CCDC102A: variants seen among roughly 807,000 people sequenced by gnomAD.
CCDC102A encodes coiled-coil domain-containing protein 102A.
CCDC102A carries 40 observed loss-of-function variants against 55.5 expected under a neutral mutation model. The ratio of observed to expected loss-of-function variants is 0.72; its 90% CI spans 0.56 to 0.94. The LOEUF is 0.94. Among genes scored for constraint, CCDC102A ranks in the 40% least tolerant of loss-of-function variants. The pLI is 0.00. For missense variants in CCDC102A, 779 were observed against 768.6 expected, an observed-to-expected ratio of 1.01 and a Z score of -0.16; for synonymous variants, 323 against 339.0, an observed-to-expected ratio of 0.95 and a Z score of 0.52.
intron 1 of CCDC102A, among the ~76,000 whole-genome samples, chr16:57,530,175 A>C (rs1452156125): frequency 1.3e-5 from 2 of 151,936 alleles, no homozygotes; most frequent in Non-Finnish European, 2.9e-5. Context: ...CTCTGCCGGA[A>C]CCACCCCTCC....
intron 4 of CCDC102A, among the ~76,000 whole-genome samples, chr16:57,520,537 A>ATAACATAACATAACATAACATAACG (rs2032025935): frequency 4.2e-5 from 1 of 23,714 alleles, no homozygotes; most frequent in African/African-American, 1.3e-4. Flanking sequence ...CTCAGAAAAA[A>ATAACATAACATAACATAACATAACG]TAACATAACA....
At chr16:57,534,749 C>G (rs1428740683) in intron 1 of CCDC102A, among the ~76,000 whole-genome samples, 2 of 152,168 alleles carry the variant, frequency 1.3e-5, no homozygotes, top group African/African-American at 4.8e-5. Flanking sequence ...TCCTAAAGAT[C>G]AGGAGTCAGT....
intron 1 of CCDC102A, among the ~76,000 whole-genome samples, chr16:57,536,040 C>T (rs1292291873): frequency 4.6e-5 from 7 of 152,200 alleles, no homozygotes; most frequent in Non-Finnish European, 8.8e-5. Context: ...GTTCCCGGCC[C>T]GCGCCGCGCG....
In CCDC102A at chr16:57,518,400, C is replaced by G. The variant is rs1468199456; in HGVS notation, c.1039-123G>C. 4.3e-6 allele frequency: 4 copies of G among 938,638 alleles called. No individual in the cohort carries two copies. In the African/African-American group the frequency reaches 6.6e-5, roughly 16 times the overall value. 58.1% of individuals were successfully genotyped at this position (938,638 alleles called of 1,614,324 possible). A position where few individuals can be genotyped will look rare whatever the true frequency, so the allele number is the denominator to read the frequency against. Reference sequence around the variant, plus strand: ...CAGGAAGCAGATCCAGCTGCATTGGCTGTAATTAAGCTGGGCTCATTTCAT... The same window carrying G: ...CAGGAAGCAGATCCAGCTGCATTGGGTGTAATTAAGCTGGGCTCATTTCAT... On this transcript the variant is annotated intron_variant, in intron 5 of 8. Coordinates refer to ENST00000258214, the MANE Select transcript of CCDC102A (RefSeq NM_033212.4).
At chr16:57,522,134 C>A (rs2032062901) in intron 3 of CCDC102A, among the ~76,000 whole-genome samples, 1 of 152,232 alleles carries the variant, frequency 6.6e-6, no homozygotes, top group Non-Finnish European at 1.5e-5. Context: ...AGCCTACAGC[C>A]TCATTCTGAT....
chr16:57,518,152 C>T lies in CCDC102A; in HGVS notation c.1164G>A (p.Ala388=), dbSNP rs1248739933. The change falls in exon 6 of 9, where the codon GCG becomes GCA. Residue 388 remains alanine (A), a synonymous_variant. Coordinates refer to ENST00000258214, the MANE Select transcript of CCDC102A (RefSeq NM_033212.4). ...CTGTTTGCCGCCGCCGCCGGGCCAGCGCCTCCTCCAGGTCTCCGACCTGTG... is the reference window on the plus strand; with the variant it reads ...CTGTTTGCCGCCGCCGCCGGGCCAGTGCCTCCTCCAGGTCTCCGACCTGTG... The part of the protein sequence containing the change: ...LRAQVGDLEE[A]LARRRRQTAS... 3.1e-6 allele frequency: 5 copies of T among 1,611,576 alleles called. No individual in the cohort carries two copies. In the Admixed American group the frequency reaches 5.0e-5, roughly 16 times the overall value.
intron 1 of CCDC102A, among the ~76,000 whole-genome samples, chr16:57,534,783 T>TA (rs1232185010): frequency 1.3e-5 from 2 of 152,084 alleles, no homozygotes; most frequent in Non-Finnish European, 2.9e-5. Context: ...CTGAGACAGG[T>TA]AGGTATCTGA....
intron 4 of CCDC102A, among the ~76,000 whole-genome samples, chr16:57,519,189 T>G (rs2032007507): frequency 6.6e-6 from 1 of 152,246 alleles, no homozygotes; most frequent in Non-Finnish European, 1.5e-5. Context: ...GACTCCTTTC[T>G]GTTCCTCAGA....
intron 1 of CCDC102A, among the ~76,000 whole-genome samples, chr16:57,532,816 C>A (rs2032293700): frequency 6.6e-6 from 1 of 152,096 alleles, no homozygotes; most frequent in African/African-American, 2.4e-5. Flanking sequence ...AATGTGAGAG[C>A]CTGTGGGGGG....
chr16:57,532,456 T>C (rs1254888127), intron 1 of CCDC102A, among the ~76,000 whole-genome samples: 1 of 152,110 alleles, frequency 6.6e-6, no homozygotes, highest in Non-Finnish European at 1.5e-5. Context: ...TGGCTGGCCT[T>C]GATGCCCATG....
At chr16:57,530,812 C>T (rs1240695084) in intron 1 of CCDC102A, among the ~76,000 whole-genome samples, 1 of 151,880 alleles carries the variant, frequency 6.6e-6, no homozygotes, top group Non-Finnish European at 1.5e-5. Flanking sequence ...AAGGTCCTTC[C>T]AAAGTGGTCC....
At chr16:57,525,835 T>C in intron 3 of CCDC102A, 66 bp downstream of exon 3, 2 of 1,416,578 alleles carry the variant, frequency 1.4e-6, no homozygotes, top group Middle Eastern at 1.8e-4. Flanking sequence ...TAATGTTCTG[T>C]GATTCTGAGG....
chr16:57,516,599 G>T lies in CCDC102A; in HGVS notation c.1249-136C>A. 1.4e-6 allele frequency: 1 copy of T among 733,418 alleles called. No homozygotes were observed. The highest frequency in any genetic ancestry group is 1.7e-5 in the South Asian group (1 of 58,264). The allele number at this position is 733,418 out of a possible 1,614,324, so 45.4% of individuals were successfully genotyped here. On this transcript the variant is annotated intron_variant, in intron 6 of 8. Coordinates refer to ENST00000258214, the MANE Select transcript of CCDC102A (RefSeq NM_033212.4). The surrounding 1 kb of genome is among the most constrained non-coding windows in gnomAD (Gnocchi z 4.4). The stretch of plus-strand genomic sequence containing the variant: ...CCTTCCCAGAATCTCTCCATCTGTT[G>T]TCTGAAGTATCAGCAGTAGAGGTTT...
chr16:57,516,484 G>A lies in CCDC102A; in HGVS notation c.1249-21C>T. On this transcript the variant is annotated intron_variant, in intron 6 of 8. Transcript: ENST00000258214. The surrounding 1 kb of genome is among the most constrained non-coding windows in gnomAD (Gnocchi z 4.4). ...AGCTCCTACAGGGCACAGGGATGGG[G>A]TGGGAGGGAGGAGGGAATCAGTATC... is the stretch of plus-strand genomic sequence containing the variant. 1 of 1,593,256 alleles carries A rather than the reference G, an allele frequency of 6.3e-7. No individual in the cohort carries two copies. Among genetic ancestry groups the A allele is most frequent in the Non-Finnish European group, 8.5e-7 (1 of 1,170,858 alleles).
chr16:57,528,383 G>A (rs1367123830), intron 2 of CCDC102A, among the ~76,000 whole-genome samples: 1 of 152,206 alleles, frequency 6.6e-6, no homozygotes, highest in Non-Finnish European at 1.5e-5. Context: ...AGGTGTGGGA[G>A]TGGAGGGATC....
chr16:57,516,269 C>A lies in CCDC102A; in HGVS notation c.1419+24G>T. The A allele has an allele frequency of 6.3e-7, 1 of 1,597,266 alleles. No individual in the cohort carries two copies. ...CCTCCCTGGCCAAGGTCTGTTGCTG[C>A]CCCTGCCCCTCTGTGGTCCTCACCT... On this transcript the variant is annotated intron_variant, in intron 7 of 8. Coordinates refer to ENST00000258214, the MANE Select transcript of CCDC102A (RefSeq NM_033212.4). This position sits in a 1 kb window ranked among gnomAD's most constrained non-coding sequence, Gnocchi z 4.4.
At chr16:57,535,599 G>C (rs1472657836) in intron 1 of CCDC102A, among the ~76,000 whole-genome samples, 1 of 152,038 alleles carries the variant, frequency 6.6e-6, no homozygotes, top group Non-Finnish European at 1.5e-5. Context: ...TGGAATGGTG[G>C]GGTGAACCTT....
chr16:57,528,902 C>A lies in CCDC102A; in HGVS notation c.276G>T (p.Lys92Asn), dbSNP rs1280293665. ...TGCAGTCCGACCACCGGCGCATGGT[C>A]TTCTCCATCTGCGCCGCCCGCGCCC... ...EARARAAQMEKTMRRWSDCTA... is the reference protein window; with the variant it reads ...EARARAAQMENTMRRWSDCTA... Residue 92 changes from lysine (K) to asparagine (N), a missense_variant, in exon 2 of 9, where the codon AAG becomes AAT. Lys to Asn is a moderately conservative substitution (Grantham distance 94). Coordinates refer to ENST00000258214, the MANE Select transcript of CCDC102A (RefSeq NM_033212.4). 2.1e-6 allele frequency: 3 copies of A among 1,406,684 alleles called. No individual in the cohort carries two copies. Among genetic ancestry groups the A allele is most frequent in the South Asian group, 1.3e-5 (1 of 79,028 alleles). The allele number at this position is 1,406,684 out of a possible 1,614,324, so 87.1% of individuals were successfully genotyped here.
chr16:57,528,685 C>G lies in CCDC102A; in HGVS notation c.493G>C (p.Gly165Arg). The change falls in exon 2 of 9, where the codon GGG (glycine) becomes CGG (arginine). Residue 165 changes from glycine to arginine, a missense_variant. Transcript: ENST00000258214. ...RELARLRGAR[G>R]VADQTRDGPE... Reference sequence around the variant, plus strand: ...CCGTCGCGCGTCTGGTCGGCGACCCCCCGGGCGCCCCTCAGCCGCGCCAGC... The same window carrying G: ...CCGTCGCGCGTCTGGTCGGCGACCCGCCGGGCGCCCCTCAGCCGCGCCAGC... The G allele has an allele frequency of 8.9e-7, 1 of 1,125,112 alleles. No individual in the cohort carries two copies. Among genetic ancestry groups the G allele is most frequent in the South Asian group, 3.0e-5 (1 of 33,792 alleles). The allele number at this position is 1,125,112 out of a possible 1,614,324, so 69.7% of individuals were successfully genotyped here. A position where few individuals can be genotyped will look rare whatever the true frequency, so the allele number is the denominator to read the frequency against.
Sources: gnomAD v4.1 joint callset for allele counts (sites outside exome capture counted in the v4.1 genomes callset) on GRCh38, gnomAD v4.1.1 for gene constraint, Gnocchi (gnomAD v3.1) non-coding constraint, MANE v1.5 for transcripts, NCBI Gene and HGNC (gene_info 2026-07-23, HGNC 2026-07-21) for gene names.